WDR46: variants seen among roughly 807,000 people sequenced by gnomAD.
The protein encoded by WDR46 is WD repeat-containing protein 46.
WDR46 carries 58 observed loss-of-function variants against 74.7 expected under a neutral mutation model. The observed-to-expected ratio is 0.78, with a 90% CI of 0.63 to 0.97. The LOEUF (loss-of-function observed/expected upper bound fraction) is 0.97, where lower values mean the gene tolerates loss of function less well. WDR46 is among the 50% of genes least tolerant of loss of function. WDR46 has a pLI of 0.00. For missense variants in WDR46, 702 were observed against 790.1 expected (o/e 0.89, Z 1.34); for synonymous variants, 278 against 297.3 (o/e 0.93, Z 0.67).
intron 8 of WDR46, 34 bp from the exon 9 acceptor site, chr6:33,287,260 C>T: frequency 1.2e-6 from 2 of 1,612,936 alleles, no homozygotes. Flanking sequence ...TGACCCAGTC[C>T]TGATTGCCCT....
At chr6:33,286,754 C>T (rs1581682898) in intron 10 of WDR46, 41 bp downstream of exon 10, 1 of 1,585,342 alleles carries the variant, frequency 6.3e-7, no homozygotes, top group Non-Finnish European at 8.6e-7. Flanking sequence ...ACCTTTCTGC[C>T]CACCTATGAC....
At position 33,287,179 on chromosome 6, in the gene WDR46, A is replaced by G; in HGVS notation, c.927T>C (p.Ile309=). ...CAGCTCGAGCATTCAGAGCTGCCAC[A>G]ATCTTCCCCACTGACACATCCAGGT... ...LTYLDVSVGK[I]VAALNARAGR... is the part of the protein sequence containing the mutation. Residue 309 remains isoleucine (I), a synonymous_variant, in exon 9 of 15, where the codon ATT becomes ATC. Transcript: ENST00000374617. The G allele has an allele frequency of 6.2e-7, 1 of 1,613,794 alleles. No homozygotes were observed. The highest frequency in any genetic ancestry group is 8.5e-7 in the Non-Finnish European group (1 of 1,179,974).
At position 33,284,174 on chromosome 6, in the gene WDR46, C is replaced by CG. The variant is rs566775018; in HGVS notation, c.1115+2620dup. On this transcript the variant is annotated intron_variant, in intron 10 of 14. Transcript: ENST00000374617. ...TGAGGCAGGAGAATCGCTTGAACCC[C>CG]GGGGGGCAGAGGTTGTGGTGAGCTG... 8.0e-5 allele frequency among the ~76,000 whole-genome samples: 12 copies of CG among 149,828 alleles called. No individual in the cohort carries two copies. In the South Asian group the frequency reaches 2.4e-3, roughly 30 times the overall value.
chr6:33,280,554 TAAGG>T (rs1766078091), intron 11 of WDR46, 32 bp from the exon 12 acceptor site: 2 of 1,599,684 alleles, frequency 1.3e-6, no homozygotes, highest in Non-Finnish European at 1.7e-6. Flanking sequence ...CATGGAGCCA[TAAGG>T]AAGAACCTCA....
Position 33,288,406 on chromosome 6 carries a change from G to C in WDR46, c.425C>G (p.Thr142Arg). ...LEVAEAEEEE[T>R]SIKAARSELL... ...CTCAGAACGAGCAGCTTTGATACTTGTTTCCTCTTCCTCAGCTTCAGCCAC... is the reference window on the plus strand; with the variant it reads ...CTCAGAACGAGCAGCTTTGATACTTCTTTCCTCTTCCTCAGCTTCAGCCAC... Residue 142 changes from threonine (T) to arginine (R), a missense_variant, in exon 4 of 15, where the codon ACA (threonine) becomes AGA (arginine). Physicochemically the swap from Thr to Arg is moderately conservative, Grantham distance 71. Transcript: ENST00000374617. 1 of 1,614,172 alleles carries C rather than the reference G, an allele frequency of 6.2e-7. No individual in the cohort carries two copies. Among genetic ancestry groups the C allele is most frequent in the Non-Finnish European group, 8.5e-7 (1 of 1,180,044 alleles).
In WDR46 at chr6:33,279,563, C is replaced by T; in HGVS notation, c.1668G>A (p.Gln556=). 1 of 1,614,186 alleles carries T rather than the reference C, an allele frequency of 6.2e-7. No individual in the cohort carries two copies. Among genetic ancestry groups the T allele is most frequent in the Non-Finnish European group, 8.5e-7 (1 of 1,180,042 alleles). ...AKAPFQPKPK[Q]KGRSSTASLV... is the part of the protein sequence containing the mutation. Reference sequence around the variant, plus strand: ...GGCTTGCCGTGGAGCTGCGGCCCTTCTGCTTTGGCTTTGGCTGGAAGGGAG... The same window carrying T: ...GGCTTGCCGTGGAGCTGCGGCCCTTTTGCTTTGGCTTTGGCTGGAAGGGAG... The change falls in exon 14 of 15, where the codon CAG becomes CAA. Residue 556 remains glutamine, a synonymous_variant. Coordinates refer to ENST00000374617, the MANE Select transcript of WDR46 (RefSeq NM_005452.6).
chr6:33,279,632 A>G (rs759017791), intron 13 of WDR46, 22 bp from the exon 14 acceptor site: 5 of 1,613,924 alleles, frequency 3.1e-6, no homozygotes, highest in African/African-American at 1.3e-5. Flanking sequence ...GACAGGAGTG[A>G]TATCTGTTAC....
In WDR46 at chr6:33,287,373, G is replaced by A; in HGVS notation, c.861C>T (p.His287=). The A allele has an allele frequency of 1.2e-6, 2 of 1,612,802 alleles. No homozygotes were observed. The highest frequency in any genetic ancestry group is 1.7e-6 in the Non-Finnish European group (2 of 1,179,846). The change falls in exon 8 of 15, where the codon CAC becomes CAT. Residue 287 remains histidine, a synonymous_variant. Transcript: ENST00000374617. ...RVTRLEFLPF[H]FLLATASETG... is the part of the protein sequence containing the mutation. ...CACTCACAGCTGTAGCCAGGAGGAAGTGGAAGGGCAGGAACTCAAGCCGTG... is the reference window on the plus strand; with the variant it reads ...CACTCACAGCTGTAGCCAGGAGGAAATGGAAGGGCAGGAACTCAAGCCGTG...
Position 33,287,367 on chromosome 6 carries a change from G to A in WDR46, c.867C>T (p.Leu289=). The A allele has an allele frequency of 6.2e-7, 1 of 1,612,890 alleles. No homozygotes were observed. The highest frequency in any genetic ancestry group is 8.5e-7 in the Non-Finnish European group (1 of 1,179,864). ...TRLEFLPFHF[L]LATASETGFL... ...CATGGCCACTCACAGCTGTAGCCAG[G>A]AGGAAGTGGAAGGGCAGGAACTCAA... Residue 289 remains leucine, a synonymous_variant, in exon 8 of 15, where the codon CTC becomes CTT. Transcript: ENST00000374617.
intron 6 of WDR46, 103 bp downstream of exon 6, chr6:33,287,862 C>T (rs964566749): frequency 3.9e-6 from 6 of 1,527,384 alleles, no homozygotes; most frequent in Non-Finnish European, 4.5e-6. Flanking sequence ...CCAAGCAAAT[C>T]GAAGGACCCT....
Position 33,279,127 on chromosome 6 carries a change from C to T in WDR46, c.*149G>A. 2 of 1,167,650 alleles carry T rather than the reference C, an allele frequency of 1.7e-6. No homozygotes were observed. Among genetic ancestry groups the T allele is most frequent in the Admixed American group, 2.3e-5 (1 of 44,022 alleles). The allele number at this position is 1,167,650 out of a possible 1,614,324, so 72.3% of individuals were successfully genotyped here. A position where few individuals can be genotyped will look rare whatever the true frequency, so the allele number is the denominator to read the frequency against. ...ACATTATCCAAAAAATCGCTTTCCT[C>T]TTTAATACCAACCCACCCCAGGAGA... is the stretch of plus-strand genomic sequence containing the variant. On this transcript the variant is annotated 3_prime_UTR_variant, in exon 15 of 15. Transcript: ENST00000374617.
chr6:33,288,242 G>A lies in WDR46; in HGVS notation c.474-7C>T. On this transcript the variant is annotated splice_polypyrimidine_tract_variant and splice_region_variant and intron_variant, in intron 4 of 14. Transcript: ENST00000374617. ...ATCCTCCCCTTCCAGAAACCTGAAAGCAAGGGTTAGGATGGCAGTAAAGCT... is the reference window on the plus strand; with the variant it reads ...ATCCTCCCCTTCCAGAAACCTGAAAACAAGGGTTAGGATGGCAGTAAAGCT... 1.9e-6 allele frequency: 3 copies of A among 1,614,166 alleles called. No individual in the cohort carries two copies. The highest frequency in any genetic ancestry group is 2.5e-6 in the Non-Finnish European group (3 of 1,180,034).
Position 33,279,131 on chromosome 6 carries a change from AAT to A in WDR46, c.*143_*144del. ...TATCCAAAAAATCGCTTTCCTCTTTAATACCAACCCACCCCAGGAGACAGCTG... is the reference window on the plus strand; with the variant it reads ...TATCCAAAAAATCGCTTTCCTCTTTAACCAACCCACCCCAGGAGACAGCTG... On this transcript the variant is annotated 3_prime_UTR_variant, in exon 15 of 15. Transcript: ENST00000374617. 8.4e-7 allele frequency: 1 copy of A among 1,191,816 alleles called. No individual in the cohort carries two copies. Among genetic ancestry groups the A allele is most frequent in the African/African-American group, 1.5e-5 (1 of 65,450 alleles). 73.8% of individuals were successfully genotyped at this position (1,191,816 alleles called of 1,614,324 possible).
At chr6:33,284,035 G>A (rs947669728) in intron 10 of WDR46, among the ~76,000 whole-genome samples, 6 of 152,132 alleles carry the variant, frequency 3.9e-5, no homozygotes, top group African/African-American at 1.2e-4. Flanking sequence ...GGATCACGAT[G>A]TCAGGAGTTC....
intron 4 of WDR46, 26 bp downstream of exon 4, chr6:33,288,331 TG>T: frequency 6.2e-7 from 1 of 1,613,806 alleles, no homozygotes; most frequent in South Asian, 1.1e-5. Flanking sequence ...AGGCAGGGAA[TG>T]GGGGTCCAGA....
chr6:33,285,889 C>T (rs1220944755), intron 10 of WDR46, among the ~76,000 whole-genome samples: 1 of 150,928 alleles, frequency 6.6e-6, no homozygotes, highest in East Asian at 2.0e-4. Context: ...GCCTGTAATC[C>T]CAACACTTTG....
In WDR46 at chr6:33,289,181, C is replaced by A. The variant is rs375184091; in HGVS notation, c.-11G>T. 1 of 1,606,158 alleles carries A rather than the reference C, an allele frequency of 6.2e-7. No homozygotes were observed. Among genetic ancestry groups the A allele is most frequent in the Non-Finnish European group, 8.5e-7 (1 of 1,176,658 alleles). ...GGGGGCTGTCTCCATCTCGCCCACC[C>A]GAACGGCGATCCACGTGCAAAACTC... On this transcript the variant is annotated 5_prime_UTR_variant, in exon 1 of 15. Transcript: ENST00000374617.
In WDR46 at chr6:33,287,693, C is replaced by G; in HGVS notation, c.649G>C (p.Gly217Arg). The change falls in exon 7 of 15, where the codon GGT becomes CGT. Residue 217 changes from glycine to arginine, a missense_variant. Physicochemically the swap from Gly to Arg is moderately radical, Grantham distance 125. Transcript: ENST00000374617. The part of the protein sequence containing the change: ...GRHLAFGGRR[G>R]HVAALDWVTK... ...ACCCAATCAAGGGCAGCCACATGAC[C>G]TCGGCGCCCTCCAAAAGCCAGGTGT... The G allele has an allele frequency of 6.2e-7, 1 of 1,613,978 alleles. No homozygotes were observed. Among genetic ancestry groups the G allele is most frequent in the Non-Finnish European group, 8.5e-7 (1 of 1,180,006 alleles).
At chr6:33,286,403 C>T (rs1419032713) in intron 10 of WDR46, among the ~76,000 whole-genome samples, 4 of 152,008 alleles carry the variant, frequency 2.6e-5, no homozygotes, top group African/African-American at 7.3e-5. Context: ...GCTGAGATTG[C>T]GCCATTGCAC....
Sources: allele counts gnomAD v4.1 joint callset (sites outside exome capture counted in the v4.1 genomes callset), GRCh38; gene constraint gnomAD v4.1.1; transcripts MANE v1.5; gene names NCBI Gene and HGNC (gene_info 2026-07-23, HGNC 2026-07-21).